Variants in CALCR observed in about 807,000 individuals in gnomAD.
CALCR encodes calcitonin receptor.
Under a neutral mutation model 59.5 loss-of-function variants are expected in CALCR, and 47 were observed. That is an observed-to-expected ratio of 0.79 (90% confidence interval 0.63 to 1.01). The LOEUF is 1.01. CALCR is among the 50% of genes least tolerant of loss of function. The pLI is 0.00. For synonymous variants in CALCR, 213 were observed against 211.3 expected, an observed-to-expected ratio of 1.01 and a Z score of -0.07; for missense variants, 566 against 597.1, an observed-to-expected ratio of 0.95 and a Z score of 0.54.
intron 8 of CALCR, among the ~76,000 whole-genome samples, chr7:93,454,889 C>T: frequency 6.8e-6 from 1 of 147,468 alleles, no homozygotes; most frequent in South Asian, 2.2e-4. Context: ...CACAGGGATT[C>T]TCCACTGACA....
At chr7:93,429,942 G>GTTTGT (rs1554393789) in intron 13 of CALCR, among the ~76,000 whole-genome samples, 40 of 92,512 alleles carry the variant, frequency 4.3e-4, no homozygotes, top group East Asian at 4.2e-3. Flanking sequence ...TTGTTTTTTT[G>GTTTGT]TTTTTTTTTG....
At chr7:93,434,220 C>T in intron 13 of CALCR, 33 bp downstream of exon 13, 2 of 1,525,348 alleles carry the variant, frequency 1.3e-6, no homozygotes, top group Non-Finnish European at 1.8e-6. Context: ...TTTACACAAA[C>T]AAGTGATAGT....
chr7:93,566,198 C>T (rs1049011443), intron 2 of CALCR, among the ~76,000 whole-genome samples: 6 of 152,098 alleles, frequency 3.9e-5, no homozygotes, highest in South Asian at 4.1e-4. Flanking sequence ...AGATTTGGGA[C>T]AGACAATAAA....
In CALCR at chr7:93,516,701, T is replaced by C. The variant is rs144133818; in HGVS notation, c.-26-29694A>G. 3.3e-5 allele frequency among the ~76,000 whole-genome samples: 5 copies of C among 152,008 alleles called. No homozygotes were observed. The East Asian group carries it at 5.8e-4, about 18-fold the overall frequency. On this transcript the variant is annotated intron_variant, in intron 2 of 13. Coordinates refer to ENST00000426151, the MANE Select transcript of CALCR (RefSeq NM_001742.4). ...CATGTATATACATAAAGATTATCTC[T>C]AATTATAAGATGATGGATGAAGTTT...
At chr7:93,503,275 G>A (rs1004049750) in intron 2 of CALCR, among the ~76,000 whole-genome samples, 20 of 152,162 alleles carry the variant, frequency 1.3e-4, no homozygotes, top group African/African-American at 4.6e-4. Context: ...GGGGAGCAAC[G>A]CTTTGCTCAG....
At chr7:93,481,533 A>C (rs1191926419) in intron 3 of CALCR, among the ~76,000 whole-genome samples, 1 of 151,884 alleles carries the variant, frequency 6.6e-6, no homozygotes. Flanking sequence ...CAAGAAAGGG[A>C]AGATGCTGGG....
intron 2 of CALCR, among the ~76,000 whole-genome samples, chr7:93,507,553 A>T (rs1043810037): frequency 6.7e-6 from 1 of 149,948 alleles, no homozygotes; most frequent in Non-Finnish European, 1.5e-5. Flanking sequence ...AACCAAAGAA[A>T]CCTTTCCCTC....
chr7:93,484,462 C>T, intron 3 of CALCR, among the ~76,000 whole-genome samples: 1 of 151,726 alleles, frequency 6.6e-6, no homozygotes. Context: ...AGTATGTAAA[C>T]CTAGAATCCA....
chr7:93,426,259 T>C lies in CALCR; in HGVS notation c.*97A>G, dbSNP rs1161494527. The C allele has an allele frequency of 1.7e-5, 12 of 719,982 alleles. No individual in the cohort carries two copies. The highest frequency in any genetic ancestry group is 2.5e-5 in the East Asian group (1 of 40,136). 44.6% of individuals were successfully genotyped at this position (719,982 alleles called of 1,614,324 possible). On this transcript the variant is annotated 3_prime_UTR_variant, in exon 14 of 14. Coordinates refer to ENST00000426151, the MANE Select transcript of CALCR (RefSeq NM_001742.4). ...ACTGAATAATTCTTCACAAATGATA[T>C]GTTCGGTTCCTGGGAGGATGGAGAA...
At position 93,493,790 on chromosome 7, in the gene CALCR, C is replaced by A. The variant is rs143691023; in HGVS notation, c.-26-6783G>T. On this transcript the variant is annotated intron_variant, in intron 2 of 13. Coordinates refer to ENST00000426151, the MANE Select transcript of CALCR (RefSeq NM_001742.4). ...CTGCTAAAAGGACAGATAAGAAATTCAGGAGAGGAAAGTAGGTGGAGGAGG... is the reference window on the plus strand; with the variant it reads ...CTGCTAAAAGGACAGATAAGAAATTAAGGAGAGGAAAGTAGGTGGAGGAGG... 2.1e-3 allele frequency among the ~76,000 whole-genome samples: 316 copies of A among 151,370 alleles called. 1 individual carries two copies. Among genetic ancestry groups the A allele is most frequent in the African/African-American group, 7.3e-3 (303 of 41,406 alleles).
chr7:93,449,371 A>G (rs1018487827), intron 8 of CALCR, among the ~76,000 whole-genome samples: 1 of 152,048 alleles, frequency 6.6e-6, no homozygotes. Context: ...TTTGTGGTCT[A>G]TGTTGGTTAA....
intron 2 of CALCR, among the ~76,000 whole-genome samples, chr7:93,565,475 T>C (rs1789843416): frequency 6.6e-6 from 1 of 152,240 alleles, no homozygotes; most frequent in South Asian, 2.1e-4. Flanking sequence ...ATTGACCTTG[T>C]ATTCACTAAA....
intron 2 of CALCR, among the ~76,000 whole-genome samples, chr7:93,559,299 T>C (rs1328050447): frequency 2.0e-5 from 3 of 151,994 alleles, no homozygotes; most frequent in African/African-American, 7.2e-5. Context: ...GCCAAAACTT[T>C]TCCACCCCCT....
chr7:93,511,585 G>A (rs185465367), intron 2 of CALCR, among the ~76,000 whole-genome samples: 144 of 152,024 alleles, frequency 9.5e-4, no homozygotes, highest in Non-Finnish European at 1.4e-3. Context: ...GTGAAAAGTG[G>A]GAAAATGTAA....
rs1562924006 is a variant in CALCR at position 93,429,930 on chromosome 7, GTTTGTTT to G, written c.1192-3348_1192-3342del. 5.9e-4 allele frequency among the ~76,000 whole-genome samples: 62 copies of G among 105,356 alleles called. No homozygotes were observed. In the East Asian group the frequency reaches 0.011, roughly 18 times the overall value. The allele number at this position is 105,356 out of a possible 152,430, so 69.1% of individuals were successfully genotyped here. A position where few individuals can be genotyped will look rare whatever the true frequency, so the allele number is the denominator to read the frequency against. Reference sequence around the variant, plus strand: ...CTTTAGACGGTTTTTTTTTTTGTTTGTTTGTTTTTTTGTTTTTTTTTGAGACAGAGTC... The same window carrying G: ...CTTTAGACGGTTTTTTTTTTTGTTTGTTTTGTTTTTTTTTGAGACAGAGTC... On this transcript the variant is annotated intron_variant, in intron 13 of 13. Transcript: ENST00000426151.
chr7:93,468,753 G>A lies in CALCR; in HGVS notation c.483C>T (p.Phe161=), dbSNP rs771036123. ...AAATCCCCAGGGAAATCACTAGGGT[G>A]AAAATTGACAAAGAATGACCCACAA... ...LAIVGHSLSI[F]TLVISLGIFV... is the part of the protein sequence containing the mutation. The change falls in exon 7 of 14, where the codon TTC becomes TTT. Residue 161 remains phenylalanine, a synonymous_variant. Transcript: ENST00000426151. The A allele has an allele frequency of 6.2e-7, 1 of 1,610,948 alleles. No homozygotes were observed. The highest frequency in any genetic ancestry group is 2.2e-5 in the East Asian group (1 of 44,730).
chr7:93,555,711 T>C (rs1422592749), intron 2 of CALCR, among the ~76,000 whole-genome samples: 1 of 152,150 alleles, frequency 6.6e-6, no homozygotes, highest in Admixed American at 6.6e-5. Flanking sequence ...AGCACTGAGT[T>C]TATCATATGT....
At chr7:93,504,772 C>G (rs1488208666) in intron 2 of CALCR, among the ~76,000 whole-genome samples, 1 of 152,012 alleles carries the variant, frequency 6.6e-6, no homozygotes, top group East Asian at 1.9e-4. Flanking sequence ...TCCAGTTAAT[C>G]TTTTCTGGTA....
Position 93,443,714 on chromosome 7 carries a change from G to T in CALCR, c.692C>A (p.Ala231Asp). The T allele has an allele frequency of 6.2e-7, 1 of 1,612,566 alleles. No homozygotes were observed. The highest frequency in any genetic ancestry group is 8.5e-7 in the Non-Finnish European group (1 of 1,178,718). The change falls in exon 9 of 14, where the codon GCC becomes GAC. Residue 231 changes from alanine to aspartate, a missense_variant. Ala to Asp is a moderately radical substitution (Grantham distance 126, BLOSUM62 -2). Transcript: ENST00000426151. The stretch of plus-strand genomic sequence containing the variant: ...ACAGAGCATCCAGAAATAGTTGCAG[G>T]CCATCATGTACTGGTGGAAAAAATG... ...ILHFFHQYMM[A>D]CNYFWMLCEG...
Sources: gnomAD v4.1 joint callset for allele counts (sites outside exome capture counted in the v4.1 genomes callset) on GRCh38, gnomAD v4.1.1 for gene constraint, MANE v1.5 for transcripts, NCBI Gene and HGNC (gene_info 2026-07-23, HGNC 2026-07-21) for gene names.